Variants in GULP1 observed in about 807,000 individuals in gnomAD.
The protein encoded by GULP1 is GULP PTB domain containing engulfment adaptor 1.
GULP1 carries 19 observed loss-of-function variants against 40.9 expected under a neutral mutation model. The observed-to-expected ratio is 0.46, with a 90% CI of 0.32 to 0.68. GULP1 has a LOEUF of 0.68. Ranked by LOEUF, GULP1 falls within the 30% of genes least tolerant of loss-of-function variation. The pLI is 0.03. For synonymous variants in GULP1, 119 were observed against 117.6 expected, an observed-to-expected ratio of 1.01 and a Z score of -0.08; for missense variants, 312 against 362.2, an observed-to-expected ratio of 0.86 and a Z score of 1.12.
chr2:188,458,757 A>G (rs1559264777), intron 2 of GULP1, among the ~76,000 whole-genome samples: 1 of 151,998 alleles, frequency 6.6e-6, no homozygotes, highest in Non-Finnish European at 1.5e-5. Flanking sequence ...TGTGCTATCA[A>G]ATGGTAGGTC....
intron 7 of GULP1, 74 bp from the exon 8 acceptor site, chr2:188,569,165 G>T: frequency 1.2e-6 from 1 of 801,130 alleles, no homozygotes; most frequent in Non-Finnish European, 2.2e-6. Flanking sequence ...GTGCTTATAT[G>T]AATGTTGTTT....
intron 1 of GULP1, among the ~76,000 whole-genome samples, chr2:188,299,792 ATG>A (rs1348952292): frequency 2.0e-5 from 3 of 152,202 alleles, no homozygotes; most frequent in African/African-American, 7.2e-5. Flanking sequence ...TATGGAAAGA[ATG>A]TGTGCAGGTG....
At chr2:188,491,226 A>G (rs2062358029) in intron 4 of GULP1, among the ~76,000 whole-genome samples, 1 of 152,128 alleles carries the variant, frequency 6.6e-6, no homozygotes. Context: ...GGATCTGAGC[A>G]GAAAGGAAAA....
chr2:188,333,366 T>C (rs1209252177), intron 1 of GULP1, among the ~76,000 whole-genome samples: 5 of 151,942 alleles, frequency 3.3e-5, no homozygotes, highest in Admixed American at 6.6e-5. Context: ...GGGTTGAAAA[T>C]AGTATTCCAG....
chr2:188,439,865 G>A (rs183588391), intron 2 of GULP1, among the ~76,000 whole-genome samples: 44 of 152,140 alleles, frequency 2.9e-4, no homozygotes, highest in African/African-American at 9.2e-4. Flanking sequence ...AGGTGATGCA[G>A]GAAAAGCATT....
chr2:188,348,810 T>C (rs1394200330), intron 1 of GULP1, among the ~76,000 whole-genome samples: 1 of 152,166 alleles, frequency 6.6e-6, no homozygotes, highest in Non-Finnish European at 1.5e-5. Flanking sequence ...AGGGGGGCCC[T>C]GGAACCAGTC....
chr2:188,395,492 A>G (rs544094274), intron 2 of GULP1, among the ~76,000 whole-genome samples: 1 of 152,108 alleles, frequency 6.6e-6, no homozygotes, highest in Admixed American at 6.5e-5. Context: ...CTTCTCCAAG[A>G]CCCTTCATGA....
chr2:188,556,711 G>A (rs974485743), intron 7 of GULP1, among the ~76,000 whole-genome samples: 2 of 152,022 alleles, frequency 1.3e-5, no homozygotes, highest in Admixed American at 1.3e-4. Context: ...CTTTTTGTGG[G>A]GAGGATGTTG....
intron 4 of GULP1, among the ~76,000 whole-genome samples, chr2:188,497,836 T>C (rs2063051905): frequency 6.6e-6 from 1 of 151,912 alleles, no homozygotes; most frequent in Non-Finnish European, 1.5e-5. Flanking sequence ...CACAAAAACA[T>C]GAGGAATCTG....
intron 2 of GULP1, among the ~76,000 whole-genome samples, chr2:188,404,819 T>C (rs2052834106): frequency 6.6e-6 from 1 of 151,700 alleles, no homozygotes; most frequent in Non-Finnish European, 1.5e-5. Flanking sequence ...CACCCTAGGT[T>C]CCAGACCAGC....
chr2:188,580,924 G>C (rs1305665106), intron 9 of GULP1, among the ~76,000 whole-genome samples: 1 of 152,224 alleles, frequency 6.6e-6, no homozygotes, highest in Non-Finnish European at 1.5e-5. Context: ...CTCCCGGCCA[G>C]AATCTTATGT....
At chr2:188,390,343 T>C (rs552263084) in intron 2 of GULP1, among the ~76,000 whole-genome samples, 1 of 152,344 alleles carries the variant, frequency 6.6e-6, no homozygotes, top group South Asian at 2.1e-4. Context: ...GTGGTTTTAA[T>C]TGGCATCGTC....
At chr2:188,339,567 A>C (rs1184791462) in intron 1 of GULP1, among the ~76,000 whole-genome samples, 1 of 152,076 alleles carries the variant, frequency 6.6e-6, no homozygotes, top group Non-Finnish European at 1.5e-5. Flanking sequence ...CTCATTGGGG[A>C]AGTTTTGAGA....
chr2:188,321,571 A>G (rs186807170), intron 1 of GULP1, among the ~76,000 whole-genome samples: 7 of 152,312 alleles, frequency 4.6e-5, no homozygotes, highest in Admixed American at 4.6e-4. Flanking sequence ...TTATTGTATT[A>G]CTGGCACTGT....
rs374345703 is a variant in GULP1 at position 188,570,170 on chromosome 2, T to C, written c.609+50T>C. On this transcript the variant is annotated intron_variant, in intron 9 of 11. Coordinates refer to ENST00000409830, the MANE Select transcript of GULP1 (RefSeq NM_016315.4). The stretch of plus-strand genomic sequence containing the variant: ...AACAAGATTTTATGGTGATAAAACA[T>C]CTGTGTATCACTAGTTCTGCAATAT... 4.8e-5 allele frequency: 37 copies of C among 769,924 alleles called. No individual in the cohort carries two copies. In the African/African-American group the frequency reaches 5.9e-4, roughly 12 times the overall value. 47.7% of individuals were successfully genotyped at this position (769,924 alleles called of 1,614,324 possible).
chr2:188,406,446 G>GA (rs35230842), intron 2 of GULP1, among the ~76,000 whole-genome samples: 12 of 151,558 alleles, frequency 7.9e-5, no homozygotes, highest in Non-Finnish European at 1.5e-4. Flanking sequence ...TGAAGTTGAA[G>GA]AAAAAACAAA....
intron 1 of GULP1, among the ~76,000 whole-genome samples, chr2:188,309,632 G>C (rs1220123709): frequency 6.6e-6 from 1 of 152,164 alleles, no homozygotes; most frequent in African/African-American, 2.4e-5. Context: ...CAGGGCTATT[G>C]TTGAAGAGTA....
intron 2 of GULP1, among the ~76,000 whole-genome samples, chr2:188,399,933 T>C (rs1293328146): frequency 6.6e-6 from 1 of 152,194 alleles, no homozygotes; most frequent in Non-Finnish European, 1.5e-5. Context: ...AATGGAGTTA[T>C]TCCTTGCTTT....
intron 11 of GULP1, chr2:188,589,674 G>C: frequency 1.2e-6 from 1 of 808,618 alleles, no homozygotes. Flanking sequence ...TGGTGTTTTT[G>C]CTTTTGCTGT....
Sources: gnomAD v4.1 joint callset for allele counts (sites outside exome capture counted in the v4.1 genomes callset) on GRCh38, gnomAD v4.1.1 for gene constraint, MANE v1.5 for transcripts, NCBI Gene and HGNC (gene_info 2026-07-23, HGNC 2026-07-21) for gene names.